Variants in CNTNAP2 observed in about 807,000 individuals in gnomAD.
The protein encoded by CNTNAP2 is contactin associated protein 2.
In CNTNAP2, 98 loss-of-function variants were observed where a neutral mutation model predicts 155.2. The observed-to-expected ratio is 0.63, with a 90% CI of 0.54 to 0.75. The LOEUF (loss-of-function observed/expected upper bound fraction) is 0.75, where lower values mean the gene tolerates loss of function less well. Ranked by LOEUF, CNTNAP2 falls within the 30% of genes least tolerant of loss-of-function variation. The pLI is 0.00. For missense variants in CNTNAP2, 1,727 were observed against 1,688.1 expected (o/e 1.02, Z -0.40); for synonymous variants, 651 against 631.2 (o/e 1.03, Z -0.47).
chr7:146,905,112 G>C (rs1796091003), intron 3 of CNTNAP2, among the ~76,000 whole-genome samples: 1 of 152,072 alleles, frequency 6.6e-6, no homozygotes, highest in Non-Finnish European at 1.5e-5. Flanking sequence ...ACAGGTGCCA[G>C]ATACTAGTAA....
At chr7:146,117,047 C>A in intron 1 of CNTNAP2, 74 bp downstream of exon 1, 1 of 1,275,310 alleles carries the variant, frequency 7.8e-7, no homozygotes, top group East Asian at 2.5e-5. Flanking sequence ...AGGGTATCAA[C>A]TCCGAAGTGC....
At chr7:146,411,838 A>T (rs149565398) in intron 1 of CNTNAP2, among the ~76,000 whole-genome samples, 3,751 of 122,734 alleles carry the variant, frequency 0.031, 143 homozygotes, top group African/African-American at 0.13. Flanking sequence ...TTATTTATTT[A>T]TTTATTTATT....
At chr7:147,647,599 G>A (rs1314204240) in intron 13 of CNTNAP2, among the ~76,000 whole-genome samples, 3 of 152,050 alleles carry the variant, frequency 2.0e-5, no homozygotes, top group Admixed American at 2.0e-4. Flanking sequence ...GTTTTCTGGT[G>A]TTTTAATGGG....
intron 10 of CNTNAP2, among the ~76,000 whole-genome samples, chr7:147,399,419 T>A (rs2116463256): frequency 6.6e-6 from 1 of 152,178 alleles, no homozygotes; most frequent in East Asian, 1.9e-4. Flanking sequence ...CAAGAAGTAG[T>A]GAGATGTGGC....
intron 15 of CNTNAP2, among the ~76,000 whole-genome samples, chr7:148,005,313 C>A (rs992350672): frequency 6.6e-6 from 1 of 152,098 alleles, no homozygotes; most frequent in Non-Finnish European, 1.5e-5. Flanking sequence ...ATCCTAAAGA[C>A]CTAATAATCC....
intron 15 of CNTNAP2, among the ~76,000 whole-genome samples, chr7:148,077,169 TG>T (rs1803503513): frequency 6.6e-6 from 1 of 151,956 alleles, no homozygotes; most frequent in Non-Finnish European, 1.5e-5. Context: ...TAGCCAGGTG[TG>T]GGGGTACATG....
At chr7:146,748,536 G>A (rs1241609081) in intron 1 of CNTNAP2, among the ~76,000 whole-genome samples, 1 of 152,086 alleles carries the variant, frequency 6.6e-6, no homozygotes, top group Admixed American at 6.5e-5. Context: ...GAACAAAAAG[G>A]CAATTAAAAG....
At chr7:146,715,967 T>C (rs1010531285) in intron 1 of CNTNAP2, among the ~76,000 whole-genome samples, 4 of 151,574 alleles carry the variant, frequency 2.6e-5, no homozygotes, top group Admixed American at 1.3e-4. Flanking sequence ...TCTCAGGTGG[T>C]GCAGACTTAC....
intron 15 of CNTNAP2, among the ~76,000 whole-genome samples, chr7:148,079,718 G>T (rs1166082803): frequency 6.6e-6 from 1 of 152,180 alleles, no homozygotes; most frequent in East Asian, 1.9e-4. Flanking sequence ...TATCTGTCAT[G>T]TAATGCTATA....
chr7:146,514,402 G>A (rs1439465726), intron 1 of CNTNAP2, among the ~76,000 whole-genome samples: 2 of 151,838 alleles, frequency 1.3e-5, no homozygotes, highest in African/African-American at 2.4e-5. Context: ...GATCTCATAG[G>A]CGTTCTTTGT....
At chr7:146,641,568 G>C (rs2129161300) in intron 1 of CNTNAP2, among the ~76,000 whole-genome samples, 1 of 152,116 alleles carries the variant, frequency 6.6e-6, no homozygotes, top group East Asian at 1.9e-4. Flanking sequence ...ATTTCTCTCA[G>C]CTTCAATCTT....
intron 14 of CNTNAP2, among the ~76,000 whole-genome samples, chr7:147,973,759 T>C: frequency 6.6e-6 from 1 of 152,294 alleles, no homozygotes; most frequent in South Asian, 2.1e-4. Context: ...TTTTGGTTTT[T>C]CCCCTTTTTA....
intron 18 of CNTNAP2, among the ~76,000 whole-genome samples, chr7:148,200,251 T>C (rs550794078): frequency 1.3e-4 from 20 of 152,382 alleles, no homozygotes; most frequent in Admixed American, 9.8e-4. Context: ...CAATAATTTT[T>C]ACATAGATTA....
intron 1 of CNTNAP2, among the ~76,000 whole-genome samples, chr7:146,413,683 C>T (rs1795897880): frequency 6.6e-6 from 1 of 152,154 alleles, no homozygotes; most frequent in South Asian, 2.1e-4. Flanking sequence ...TCTCCTGCTC[C>T]TCCTTCTCAT....
chr7:147,907,806 CAG>C (rs59803270), intron 14 of CNTNAP2, among the ~76,000 whole-genome samples: 31,216 of 151,986 alleles, frequency 0.21, 3,453 homozygotes, highest in Middle Eastern at 0.33. Flanking sequence ...TATTTTGACA[CAG>C]AGTCACTCTG....
At chr7:146,541,514 C>G (rs768974276) in intron 1 of CNTNAP2, among the ~76,000 whole-genome samples, 1 of 152,152 alleles carries the variant, frequency 6.6e-6, no homozygotes, top group Non-Finnish European at 1.5e-5. Context: ...TGTAGATAGT[C>G]TCTGCCCCTA....
chr7:146,708,910 C>T (rs2129174685), intron 1 of CNTNAP2, among the ~76,000 whole-genome samples: 1 of 152,138 alleles, frequency 6.6e-6, no homozygotes, highest in Admixed American at 6.6e-5. Flanking sequence ...TTCTTAAATG[C>T]AGATGCCTTG....
intron 1 of CNTNAP2, among the ~76,000 whole-genome samples, chr7:146,618,295 G>A (rs1799260976): frequency 6.6e-6 from 1 of 152,066 alleles, no homozygotes; most frequent in Non-Finnish European, 1.5e-5. Context: ...CAAAATTATT[G>A]TTGATTTACA....
intron 3 of CNTNAP2, among the ~76,000 whole-genome samples, chr7:146,904,810 C>G (rs989958286): frequency 6.6e-6 from 1 of 152,144 alleles, no homozygotes; most frequent in African/African-American, 2.4e-5. Context: ...GCTCTTGTCA[C>G]TGACTGTGAA....
Sources: gnomAD v4.1 joint callset for allele counts (sites outside exome capture counted in the v4.1 genomes callset) on GRCh38, gnomAD v4.1.1 for gene constraint, MANE v1.5 for transcripts, NCBI Gene and HGNC (gene_info 2026-07-23, HGNC 2026-07-21) for gene names.